The following CALCOCO1 variants were observed in gnomAD, a reference collection of about 807,000 sequenced individuals.
The protein encoded by CALCOCO1 is calcium binding and coiled-coil domain 1, also known as calcium-binding and coiled-coil domain-containing protein 1.
Under a neutral mutation model 86.3 loss-of-function variants are expected in CALCOCO1, and 44 were observed. That is an observed-to-expected ratio of 0.51 (90% CI 0.40 to 0.66). The LOEUF is 0.66. Ranked by LOEUF, CALCOCO1 falls within the 30% of genes least tolerant of loss-of-function variation. The pLI is 0.00. For missense variants in CALCOCO1, 708 were observed against 851.1 expected (o/e 0.83, Z 2.09); for synonymous variants, 297 against 327.6 (o/e 0.91, Z 1.01).
rs762402501 is a variant in CALCOCO1 at position 53,715,799 on chromosome 12, A to G, written c.1254T>C (p.Ser418=). The change falls in exon 9 of 15, where the codon AGT becomes AGC. Residue 418 remains serine, a synonymous_variant. Coordinates refer to ENST00000550804, the MANE Select transcript of CALCOCO1 (RefSeq NM_020898.3). The stretch of plus-strand genomic sequence containing the variant: ...GTACCCCCCATCCCTCTACCTCCAC[A>G]CTCTGCAGCAGCCCTGCCCGCTCCT... ...WSKERAGLLQ[S]VEAEKDKILK... is the part of the protein sequence containing the mutation. 5 of 1,612,384 alleles carry G rather than the reference A, an allele frequency of 3.1e-6. No homozygotes were observed. Among genetic ancestry groups the G allele is most frequent in the African/African-American group, 2.7e-5 (2 of 74,722 alleles).
intron 9 of CALCOCO1, chr12:53,715,566 T>C: frequency 1.3e-6 from 1 of 748,974 alleles, no homozygotes; most frequent in Non-Finnish European, 2.1e-6. Context: ...CAGAAAATGT[T>C]TCTGTTCCAA....
chr12:53,712,994 C>T (rs2120542294), intron 14 of CALCOCO1, 106 bp downstream of exon 14: 2 of 1,301,060 alleles, frequency 1.5e-6, no homozygotes, highest in Non-Finnish European at 2.2e-6. Context: ...TTGGCTGAGG[C>T]CAAGAAGGGC....
At chr12:53,720,704 A>T (rs548886780) in intron 6 of CALCOCO1, among the ~76,000 whole-genome samples, 59 of 152,390 alleles carry the variant, frequency 3.9e-4, no homozygotes, top group African/African-American at 1.4e-3. Flanking sequence ...ACCTACCAGT[A>T]GTAAATGAAA....
At position 53,711,898 on chromosome 12, in the gene CALCOCO1, G is replaced by A. The variant is rs775584690; in HGVS notation, c.*46C>T. ...CCTAAGTGTATGCATGTGTGTGAGT[G>A]TGTGTGTGCATGAGTGTGTATTTGT... On this transcript the variant is annotated 3_prime_UTR_variant, in exon 15 of 15. Coordinates refer to ENST00000550804, the MANE Select transcript of CALCOCO1 (RefSeq NM_020898.3). 1.4e-5 allele frequency: 20 copies of A among 1,466,612 alleles called. No homozygotes were observed. Among genetic ancestry groups the A allele is most frequent in the Admixed American group, 7.0e-5 (3 of 42,936 alleles). 90.8% of individuals were successfully genotyped at this position (1,466,612 alleles called of 1,614,324 possible).
intron 7 of CALCOCO1, among the ~76,000 whole-genome samples, chr12:53,719,487 C>T (rs188748423): frequency 2.0e-5 from 3 of 152,260 alleles, no homozygotes; most frequent in East Asian, 3.9e-4. Flanking sequence ...GATCGTACCA[C>T]TGCACTTCAG....
At chr12:53,716,550 G>T in intron 7 of CALCOCO1, 135 bp from the exon 8 acceptor site, 1 of 870,948 alleles carries the variant, frequency 1.1e-6, no homozygotes, top group Non-Finnish European at 1.8e-6. Context: ...GCTATTGCCA[G>T]CCCTTCTTGG....
intron 1 of CALCOCO1, among the ~76,000 whole-genome samples, 185 bp downstream of exon 1, chr12:53,727,219 G>C (rs985582186): frequency 6.6e-6 from 1 of 152,160 alleles, no homozygotes; most frequent in Middle Eastern, 3.2e-3. Context: ...CCCCCAATCA[G>C]AGTCCCCTTG....
At chr12:53,712,309 T>A in intron 14 of CALCOCO1, 188 bp from the exon 15 acceptor site, 1 of 578,200 alleles carries the variant, frequency 1.7e-6, no homozygotes, top group Non-Finnish European at 3.0e-6. Flanking sequence ...CAGTTCCCCA[T>A]GTCCTCTCTT....
Position 53,721,580 on chromosome 12 carries a change from C to G in CALCOCO1, c.645G>C (p.Glu215Asp). 6.2e-7 allele frequency: 1 copy of G among 1,613,686 alleles called. No homozygotes were observed. The highest frequency in any genetic ancestry group is 8.5e-7 in the Non-Finnish European group (1 of 1,179,900). ...ISRSHGEITE[E>D]RDILSRQQGD... is the part of the protein sequence containing the mutation. ...CCTGTTGCCGGCTCAGGATGTCCCT[C>G]TCTTCTGTGATCTCCCCATGGGACC... The change falls in exon 6 of 15, where the codon GAG (glutamate) becomes GAC (aspartate). Residue 215 changes from glutamate to aspartate, a missense_variant. Physicochemically the swap from Glu to Asp is conservative, Grantham distance 45 (BLOSUM62 2). Coordinates refer to ENST00000550804, the MANE Select transcript of CALCOCO1 (RefSeq NM_020898.3).
Position 53,713,886 on chromosome 12 carries a change from G to A in CALCOCO1, c.1606C>T (p.Leu536=), listed in dbSNP as rs1292605561. The A allele has an allele frequency of 6.6e-7, 1 of 1,524,714 alleles. No homozygotes were observed. The highest frequency in any genetic ancestry group is 2.2e-5 in the Admixed American group (1 of 46,422). 94.4% of individuals were successfully genotyped at this position (1,524,714 alleles called of 1,614,324 possible). Residue 536 remains leucine, a synonymous_variant, in exon 13 of 15, where the codon CTG becomes TTG. Coordinates refer to ENST00000550804, the MANE Select transcript of CALCOCO1 (RefSeq NM_020898.3). ...AAVGLSCPAA[L]TDSEDESPED... ...GGGGACTCGTCCTCTGAGTCTGTCA[G>A]AGCTGCCGGGCAGCCTGTAGGAGAT...
At chr12:53,719,489 GC>G (rs1436965285) in intron 7 of CALCOCO1, among the ~76,000 whole-genome samples, 3 of 152,092 alleles carry the variant, frequency 2.0e-5, no homozygotes, top group Admixed American at 2.0e-4. Flanking sequence ...TCGTACCACT[GC>G]ACTTCAGCAC....
intron 10 of CALCOCO1, among the ~76,000 whole-genome samples, 182 bp downstream of exon 10, chr12:53,715,018 T>C (rs181882706): frequency 2.2e-4 from 33 of 152,242 alleles, no homozygotes; most frequent in Admixed American, 2.2e-3. Flanking sequence ...CCCAGATGTG[T>C]GCCCTGAGAG....
chr12:53,714,752 C>T (rs1945679108), intron 10 of CALCOCO1, 59 bp from the exon 11 acceptor site: 1 of 1,278,968 alleles, frequency 7.8e-7, no homozygotes, highest in African/African-American at 1.5e-5. Context: ...AGAACCTGGA[C>T]TCTGGGACCA....
At chr12:53,715,143 G>T in intron 10 of CALCOCO1, 57 bp downstream of exon 10, 1 of 1,587,958 alleles carries the variant, frequency 6.3e-7, no homozygotes, top group Non-Finnish European at 8.6e-7. Flanking sequence ...CAGAGAGAAG[G>T]GGTATGGATG....
At chr12:53,721,842 T>C (rs1945878356) in intron 5 of CALCOCO1, 183 bp downstream of exon 5, 1 of 813,152 alleles carries the variant, frequency 1.2e-6, no homozygotes, top group Non-Finnish European at 2.0e-6. Context: ...TCATTACACG[T>C]TTGGAACATG....
intron 14 of CALCOCO1, 135 bp downstream of exon 14, chr12:53,712,965 A>AT: frequency 8.0e-7 from 1 of 1,251,986 alleles, no homozygotes; most frequent in Non-Finnish European, 1.1e-6. Context: ...CTTGTTAACC[A>AT]TACCTGTATC....
chr12:53,712,474 C>A (rs544188619), intron 14 of CALCOCO1: 18 of 251,952 alleles, frequency 7.1e-5, no homozygotes, highest in African/African-American at 3.0e-4. Context: ...AGCATCACCC[C>A]CTCCCTGCCC....
intron 6 of CALCOCO1, 132 bp downstream of exon 6, chr12:53,721,335 G>T: frequency 1.3e-6 from 1 of 784,346 alleles, no homozygotes; most frequent in Non-Finnish European, 2.0e-6. Flanking sequence ...CCAGTAACTA[G>T]CTTGAGTGAG....
chr12:53,727,073 G>A (rs1946054528), intron 1 of CALCOCO1, among the ~76,000 whole-genome samples: 2 of 152,108 alleles, frequency 1.3e-5, no homozygotes, highest in African/African-American at 2.4e-5. Flanking sequence ...TTGGATTTGC[G>A]TAGGGGAGAG....
Sources: allele counts gnomAD v4.1 joint callset (sites outside exome capture counted in the v4.1 genomes callset), GRCh38; gene constraint gnomAD v4.1.1; transcripts MANE v1.5; gene names NCBI Gene and HGNC (gene_info 2026-07-23, HGNC 2026-07-21).